Variants in ITPK1 observed in about 807,000 individuals in gnomAD.
ITPK1 encodes inositol-tetrakisphosphate 1-kinase.
ITPK1 carries 21 observed loss-of-function variants against 45.3 expected under a neutral mutation model. The observed-to-expected ratio is 0.46, with a 90% CI of 0.33 to 0.67. The LOEUF (loss-of-function observed/expected upper bound fraction) is 0.67. Ranked by LOEUF, ITPK1 falls within the 30% of genes least tolerant of loss-of-function variation. The probability of loss-of-function intolerance (pLI) is 0.02; values close to 1 mark genes in which losing one functional copy is unlikely to be tolerated. For synonymous variants in ITPK1, 258 were observed against 253.6 expected (o/e 1.02, Z -0.16); for missense variants, 474 against 573.5 (o/e 0.83, Z 1.77).
At chr14:93,017,070 C>T (rs1373468786) in intron 3 of ITPK1, among the ~76,000 whole-genome samples, 1 of 152,118 alleles carries the variant, frequency 6.6e-6, no homozygotes, top group Admixed American at 6.5e-5. Context: ...CCCATGCTAC[C>T]CAGGATGCAG....
intron 2 of ITPK1, among the ~76,000 whole-genome samples, chr14:93,096,970 A>C (rs981071152): frequency 1.3e-5 from 2 of 152,216 alleles, no homozygotes; most frequent in Non-Finnish European, 2.9e-5. Flanking sequence ...AAGAACCAGG[A>C]CTGACAATAC....
At chr14:93,005,888 A>G (rs1887586502) in intron 4 of ITPK1, among the ~76,000 whole-genome samples, 1 of 152,230 alleles carries the variant, frequency 6.6e-6, no homozygotes, top group Non-Finnish European at 1.5e-5. Flanking sequence ...TGCAGCAGTT[A>G]GAATGAGGCT....
chr14:92,974,534 T>C (rs561658696), intron 5 of ITPK1, among the ~76,000 whole-genome samples: 102 of 152,238 alleles, frequency 6.7e-4, no homozygotes, highest in Middle Eastern at 3.4e-3. Flanking sequence ...AGGCCAGGCA[T>C]GTGCAGCGAT....
chr14:93,112,826 G>A (rs1461933539), intron 2 of ITPK1, among the ~76,000 whole-genome samples: 1 of 152,136 alleles, frequency 6.6e-6, no homozygotes, highest in Non-Finnish European at 1.5e-5. Context: ...CAGAAGCCCT[G>A]CGCCCCCAGA....
intron 3 of ITPK1, among the ~76,000 whole-genome samples, chr14:93,023,454 G>A (rs1338450016): frequency 1.3e-5 from 2 of 152,216 alleles, no homozygotes; most frequent in South Asian, 2.1e-4. Flanking sequence ...CATGTGGCAT[G>A]AGTGCGGAAT....
At chr14:93,070,192 A>T (rs1257018023) in intron 3 of ITPK1, 5 of 152,376 alleles carry the variant, frequency 3.3e-5, no homozygotes, top group African/African-American at 4.8e-5. Flanking sequence ...GGCAGAGGTC[A>T]GGCTGCAAAA....
At position 92,987,871 on chromosome 14, in the gene ITPK1, C is replaced by T. The variant is rs140103469; in HGVS notation, c.364+6009G>A. Among the ~76,000 whole-genome samples, 9 of 152,254 alleles carry T rather than the reference C, an allele frequency of 5.9e-5. No homozygotes were observed. In the East Asian group the frequency reaches 1.5e-3, roughly 26 times the overall value. On this transcript the variant is annotated intron_variant, in intron 5 of 10. Transcript: ENST00000267615. ...AGGGCACTGGCTTCCACACGGCAGA[C>T]GCCAGGACGGCAGCTCACGCAGACT...
intron 2 of ITPK1, among the ~76,000 whole-genome samples, chr14:93,095,574 GT>G (rs34003729): frequency 0.29 from 40,248 of 137,210 alleles, 5,819 homozygotes; most frequent in South Asian, 0.41. Context: ...CACGGACTAG[GT>G]TTTTTTTTTT....
chr14:93,105,797 G>C (rs796411129), intron 2 of ITPK1, among the ~76,000 whole-genome samples: 1 of 149,636 alleles, frequency 6.7e-6, no homozygotes, highest in Non-Finnish European at 1.5e-5. Flanking sequence ...TCCACCTCCC[G>C]GGTTCAAGCG....
intron 2 of ITPK1, among the ~76,000 whole-genome samples, chr14:93,087,295 A>G (rs1029751325): frequency 6.6e-6 from 1 of 152,118 alleles, no homozygotes; most frequent in South Asian, 2.1e-4. Context: ...CCTCCTTGTA[A>G]TTACACCAGG....
intron 5 of ITPK1, among the ~76,000 whole-genome samples, chr14:92,965,006 G>A (rs756399042): frequency 4.6e-5 from 7 of 152,184 alleles, no homozygotes; most frequent in Non-Finnish European, 5.9e-5. Context: ...AGGAAACTAG[G>A]GCACAGAGGT....
intron 3 of ITPK1, among the ~76,000 whole-genome samples, chr14:93,074,442 T>C (rs550971326): frequency 7.9e-5 from 12 of 152,304 alleles, no homozygotes; most frequent in African/African-American, 2.9e-4. Flanking sequence ...CCATCTCTCA[T>C]CCTCTCCTCG....
At chr14:93,107,998 C>T (rs2140034874) in intron 2 of ITPK1, among the ~76,000 whole-genome samples, 1 of 152,348 alleles carries the variant, frequency 6.6e-6, no homozygotes, top group South Asian at 2.1e-4. Flanking sequence ...AGGCTTTGGC[C>T]AGTGGTGAGT....
chr14:93,045,363 GC>G (rs1294468653), intron 3 of ITPK1, among the ~76,000 whole-genome samples: 7 of 152,222 alleles, frequency 4.6e-5, no homozygotes, highest in African/African-American at 1.7e-4. Context: ...ACCCTGAAGA[GC>G]ACTGCCGCAG....
chr14:93,104,061 G>T (rs540629379), intron 2 of ITPK1, among the ~76,000 whole-genome samples: 1 of 152,124 alleles, frequency 6.6e-6, no homozygotes, highest in Non-Finnish European at 1.5e-5. Context: ...CCCTAGGGCG[G>T]GTGCACTGCA....
intron 2 of ITPK1, among the ~76,000 whole-genome samples, chr14:93,080,296 C>T (rs916835239): frequency 2.6e-5 from 4 of 152,300 alleles, no homozygotes; most frequent in East Asian, 1.9e-4. Flanking sequence ...CTGGGGTGGC[C>T]GAGGGACTTC....
intron 5 of ITPK1, among the ~76,000 whole-genome samples, chr14:92,985,348 G>A (rs1886441752): frequency 6.6e-6 from 1 of 152,040 alleles, no homozygotes; most frequent in African/African-American, 2.4e-5. Context: ...GAACTTCCTG[G>A]TTTAGATAAT....
At chr14:93,115,003 C>T (rs1205205680) in intron 2 of ITPK1, 66 bp downstream of exon 2, 1 of 884,370 alleles carries the variant, frequency 1.1e-6, no homozygotes, top group African/African-American at 1.8e-5. Flanking sequence ...CTGCACCGGG[C>T]TCGGGCCGGG....
intron 3 of ITPK1, among the ~76,000 whole-genome samples, chr14:93,030,176 A>C (rs1268598007): frequency 6.6e-6 from 1 of 152,278 alleles, no homozygotes; most frequent in Non-Finnish European, 1.5e-5. Context: ...CACTCAGTAG[A>C]GCTGACTGGG....
Sources: allele counts gnomAD v4.1 joint callset (sites outside exome capture counted in the v4.1 genomes callset), GRCh38; gene constraint gnomAD v4.1.1; transcripts MANE v1.5; gene names NCBI Gene and HGNC (gene_info 2026-07-23, HGNC 2026-07-21).